Variants in HSF5 observed in about 807,000 individuals in gnomAD.
The protein encoded by HSF5 is heat shock transcription factor 5.
In HSF5, 5 loss-of-function variants were observed where a neutral mutation model predicts 50.8. The ratio of observed to expected loss-of-function variants is 0.10; its 90% CI spans 0.05 to 0.21. HSF5 has a LOEUF of 0.21. HSF5 is among the 10% of genes least tolerant of loss of function. The pLI, the probability that HSF5 is intolerant of heterozygous loss-of-function variation, is 1.00. For missense variants in HSF5, 564 were observed against 762.6 expected (o/e 0.74, Z 3.07); for synonymous variants, 307 against 307.4 (o/e 1.00, Z 0.02).
chr17:58,460,478 T>TATAC (rs1555642688), intron 4 of HSF5, among the ~76,000 whole-genome samples: 2 of 137,656 alleles, frequency 1.5e-5, no homozygotes, highest in African/African-American at 5.5e-5. Context: ...TACATATATA[T>TATAC]ACACACACAC....
chr17:58,486,318 T>C (rs1274743880), intron 1 of HSF5, among the ~76,000 whole-genome samples: 3 of 152,088 alleles, frequency 2.0e-5, no homozygotes, highest in African/African-American at 7.2e-5. Context: ...TGAGCCGAGA[T>C]CGCGCCATTG....
intron 5 of HSF5, among the ~76,000 whole-genome samples, chr17:58,455,049 A>G (rs138060552): frequency 0.012 from 1,843 of 152,330 alleles, 22 homozygotes; most frequent in Non-Finnish European, 0.021. Context: ...ACAGAGCTGG[A>G]GGCATCACCC....
intron 5 of HSF5, among the ~76,000 whole-genome samples, chr17:58,424,674 T>C (rs1828122942): frequency 6.6e-6 from 1 of 150,514 alleles, no homozygotes; most frequent in Non-Finnish European, 1.5e-5. Flanking sequence ...TAGCCCCAGC[T>C]ACTCAGAAGG....
chr17:58,485,806 C>T (rs1287938688), intron 1 of HSF5, among the ~76,000 whole-genome samples: 1 of 151,666 alleles, frequency 6.6e-6, no homozygotes, highest in African/African-American at 2.4e-5. Context: ...GTGGCTCACA[C>T]CTGTAATCCC....
chr17:58,425,597 A>C (rs1032445729), intron 5 of HSF5, among the ~76,000 whole-genome samples: 7 of 151,068 alleles, frequency 4.6e-5, no homozygotes, highest in African/African-American at 1.2e-4. Flanking sequence ...AAAAAAAAAA[A>C]AAAAACAGGT....
At chr17:58,424,397 G>A (rs1414023825) in intron 5 of HSF5, among the ~76,000 whole-genome samples, 1 of 152,134 alleles carries the variant, frequency 6.6e-6, no homozygotes, top group Non-Finnish European at 1.5e-5. Context: ...CAGATCACAA[G>A]GTCAGGAGAT....
intron 5 of HSF5, among the ~76,000 whole-genome samples, chr17:58,446,372 C>T (rs1350933631): frequency 6.6e-6 from 1 of 152,114 alleles, no homozygotes; most frequent in Non-Finnish European, 1.5e-5. Flanking sequence ...CACCCTACCC[C>T]CAACCCCACG....
chr17:58,477,116 C>CA lies in HSF5; in HGVS notation c.925+2776_925+2777insT, dbSNP rs1975025044. Among the ~76,000 whole-genome samples the CA allele has an allele frequency of 2.2e-5, 3 of 133,772 alleles. No homozygotes were observed. The East Asian group carries it at 6.1e-4, about 27-fold the overall frequency. 87.8% of individuals were successfully genotyped at this position (133,772 alleles called of 152,430 possible). A position where few individuals can be genotyped will look rare whatever the true frequency, so the allele number is the denominator to read the frequency against. Reference sequence around the variant, plus strand: ...TATGGGCTAGGGATATATATATATACTTTTTTTTTTTTTTTTTTTTTGAGA... The same window carrying CA: ...TATGGGCTAGGGATATATATATATACATTTTTTTTTTTTTTTTTTTTTGAGA... On this transcript the variant is annotated intron_variant, in intron 2 of 5. Coordinates refer to ENST00000323777, the MANE Select transcript of HSF5 (RefSeq NM_001080439.3).
In HSF5 at chr17:58,442,379, G is replaced by A. The variant is rs149678069; in HGVS notation, c.1720+16389C>T. ...GGGTGAGGTCCTCCAGTACAGTGTTGAAGATAAGTAGGGAAAGTGGCCATC... is the reference window on the plus strand; with the variant it reads ...GGGTGAGGTCCTCCAGTACAGTGTTAAAGATAAGTAGGGAAAGTGGCCATC... On this transcript the variant is annotated intron_variant, in intron 5 of 5. Coordinates refer to ENST00000323777, the MANE Select transcript of HSF5 (RefSeq NM_001080439.3). 1.9e-3 allele frequency among the ~76,000 whole-genome samples: 287 copies of A among 152,330 alleles called. 2 individuals carry two copies. Among genetic ancestry groups the A allele is most frequent in the Non-Finnish European group, 2.3e-3 (157 of 68,024 alleles).
intron 5 of HSF5, among the ~76,000 whole-genome samples, chr17:58,434,686 T>A (rs1351317908): frequency 6.6e-6 from 1 of 152,020 alleles, no homozygotes; most frequent in Non-Finnish European, 1.5e-5. Flanking sequence ...AGACCCTGTC[T>A]CTATAAAAAT....
In HSF5 at chr17:58,435,874, G is replaced by A. The variant is rs1346800559; in HGVS notation, c.1721-13444C>T. Among the ~76,000 whole-genome samples, 4 of 148,780 alleles carry A rather than the reference G, an allele frequency of 2.7e-5. No homozygotes were observed. The South Asian group carries it at 8.6e-4, about 32-fold the overall frequency. ...AGATCACGCCACTGCACCGCAGCCTGGGCGACAGAGCGAGACTCCATCTCA... is the reference window on the plus strand; with the variant it reads ...AGATCACGCCACTGCACCGCAGCCTAGGCGACAGAGCGAGACTCCATCTCA... On this transcript the variant is annotated intron_variant, in intron 5 of 5. Transcript: ENST00000323777.
At position 58,458,831 on chromosome 17, in the gene HSF5, C is replaced by T. The variant is rs1450375404; in HGVS notation, c.1657G>A (p.Gly553Ser). 6.2e-7 allele frequency: 1 copy of T among 1,614,014 alleles called. No homozygotes were observed. Among genetic ancestry groups the T allele is most frequent in the Non-Finnish European group, 8.5e-7 (1 of 1,180,010 alleles). The change falls in exon 5 of 6, where the codon GGT becomes AGT. Residue 553 changes from glycine (G) to serine (S), a missense_variant. Physicochemically the swap from Gly to Ser is moderately conservative, Grantham distance 56. This residue lies in a region of HSF5 where 441 missense variants were observed against 533.6 expected (regional missense o/e 0.83). Transcript: ENST00000323777. Reference protein sequence around the residue: ...GPASKPSEDTGLATPARYREH... With the variant: ...GPASKPSEDTSLATPARYREH... ...CTGTATCTGGCTGGAGTGGCTAAAC[C>T]TGTGTCTTCACTAGGCTTGCTAGCA...
At chr17:58,430,822 G>A (rs930087470) in intron 5 of HSF5, among the ~76,000 whole-genome samples, 1 of 152,150 alleles carries the variant, frequency 6.6e-6, no homozygotes, top group African/African-American at 2.4e-5. Context: ...ACAGTCAGGA[G>A]TCACTTAACA....
chr17:58,429,202 A>G (rs1342410634), intron 5 of HSF5, among the ~76,000 whole-genome samples: 2 of 152,348 alleles, frequency 1.3e-5, no homozygotes, highest in East Asian at 3.9e-4. Context: ...AAGTAAATCC[A>G]TAGAGACAGA....
In HSF5 at chr17:58,421,164, A is replaced by C. The variant is rs997938913; in HGVS notation, c.*1196T>G. The C allele has an allele frequency of 8.5e-5, 13 of 152,570 alleles. No individual in the cohort carries two copies. Among genetic ancestry groups the C allele is most frequent in the Non-Finnish European group, 1.6e-4 (11 of 68,034 alleles). The allele number at this position is 152,570 out of a possible 1,614,324, so 9.5% of individuals were successfully genotyped here. A position where few individuals can be genotyped will look rare whatever the true frequency, so the allele number is the denominator to read the frequency against. ...ACCACAGAAACTGGACATCCAAGAC[A>C]TCCTTCTCTCCTAAAACACAGTCCC... On this transcript the variant is annotated 3_prime_UTR_variant, in exon 6 of 6. Transcript: ENST00000323777.
chr17:58,428,353 G>A (rs1210577989), intron 5 of HSF5, among the ~76,000 whole-genome samples: 3 of 152,102 alleles, frequency 2.0e-5, no homozygotes, highest in African/African-American at 7.2e-5. Context: ...GTCATTAGGG[G>A]AATGCAAATC....
At position 58,463,162 on chromosome 17, in the gene HSF5, A is replaced by G. The variant is rs1462395512; in HGVS notation, c.1162T>C (p.Leu388=). 1.2e-6 allele frequency: 2 copies of G among 1,614,208 alleles called. No homozygotes were observed. The highest frequency in any genetic ancestry group is 1.7e-5 in the Admixed American group (1 of 60,024). The change falls in exon 4 of 6, where the codon TTG becomes CTG. Residue 388 remains leucine (L), a synonymous_variant. Coordinates refer to ENST00000323777, the MANE Select transcript of HSF5 (RefSeq NM_001080439.3). The stretch of plus-strand genomic sequence containing the variant: ...ACAGGCTCCACCTTTACCATCTCCA[A>G]TTTAGGGGAGGAATGCAACTCATCA... ...IVDELHSSPK[L]EMVKVEPVEN...
chr17:58,442,544 T>C (rs541643812), intron 5 of HSF5, among the ~76,000 whole-genome samples: 62 of 152,334 alleles, frequency 4.1e-4, no homozygotes, highest in African/African-American at 1.4e-3. Flanking sequence ...GTTTTTACTA[T>C]AAAATAGTGC....
At chr17:58,442,391 G>A (rs147768447) in intron 5 of HSF5, among the ~76,000 whole-genome samples, 64 of 152,296 alleles carry the variant, frequency 4.2e-4, no homozygotes, top group African/African-American at 1.5e-3. Flanking sequence ...AGATAAGTAG[G>A]GAAAGTGGCC....
Sources: gnomAD v4.1 joint callset for allele counts (sites outside exome capture counted in the v4.1 genomes callset) on GRCh38, gnomAD v4.1.1 for gene constraint, gnomAD v4.1.1 regional missense constraint, MANE v1.5 for transcripts, NCBI Gene and HGNC (gene_info 2026-07-23, HGNC 2026-07-21) for gene names.